DLEU7: variants seen among roughly 807,000 people sequenced by gnomAD.
DLEU7 encodes the protein deleted in lymphocytic leukemia 7.
DLEU7 carries 17 observed loss-of-function variants against 16.0 expected under a neutral mutation model. That is an observed-to-expected ratio of 1.06 (90% CI 0.73 to 1.59). The LOEUF (loss-of-function observed/expected upper bound fraction) is 1.59. DLEU7 is among the 40% of genes most tolerant of loss of function. The pLI is 0.00. For missense variants in DLEU7, 308 were observed against 314.9 expected (o/e 0.98, Z 0.17); for synonymous variants, 113 against 139.8 (o/e 0.81, Z 1.35).
chr13:50,756,119 A>AG (rs1874750493), intron 1 of DLEU7, among the ~76,000 whole-genome samples: 1 of 152,120 alleles, frequency 6.6e-6, no homozygotes, highest in African/African-American at 2.4e-5. Flanking sequence ...TGGAGGTTGC[A>AG]GGGGGGTGAA....
chr13:50,827,912 T>C (rs988544154), intron 1 of DLEU7, among the ~76,000 whole-genome samples: 1 of 152,062 alleles, frequency 6.6e-6, no homozygotes, highest in African/African-American at 2.4e-5. Flanking sequence ...CATTTAAATC[T>C]AAAACCACAT....
At chr13:50,762,954 G>A (rs1277532765) in intron 1 of DLEU7, among the ~76,000 whole-genome samples, 1 of 152,192 alleles carries the variant, frequency 6.6e-6, no homozygotes, top group Admixed American at 6.5e-5. Flanking sequence ...GCCTCCAACT[G>A]GTGGAGAGAA....
At chr13:50,719,454 T>G (rs1201617390) in intron 1 of DLEU7, among the ~76,000 whole-genome samples, 2 of 152,172 alleles carry the variant, frequency 1.3e-5, no homozygotes, top group African/African-American at 4.8e-5. Flanking sequence ...ATTAAAAAAT[T>G]TAAAAACTCT....
chr13:50,843,696 G>A (rs773005992), upstream of DLEU7: 75 of 1,482,302 alleles, frequency 5.1e-5, no homozygotes, highest in Middle Eastern at 4.7e-4. The surrounding 1 kb of genome is among the most constrained non-coding windows in gnomAD (Gnocchi z 5.7). Context: ...GAGCAGCAGC[G>A]AGGGAGGCGG....
At chr13:50,832,842 G>C (rs1877325119) in intron 1 of DLEU7, among the ~76,000 whole-genome samples, 1 of 152,174 alleles carries the variant, frequency 6.6e-6, no homozygotes, top group Non-Finnish European at 1.5e-5. Context: ...TGTGGTCTGA[G>C]AGACTGTTTG....
chr13:50,716,612 T>C (rs1873445459), intron 1 of DLEU7, among the ~76,000 whole-genome samples: 1 of 152,256 alleles, frequency 6.6e-6, no homozygotes, highest in Non-Finnish European at 1.5e-5. Flanking sequence ...TTTACATTTT[T>C]GAGCATTGGT....
intron 1 of DLEU7, among the ~76,000 whole-genome samples, chr13:50,719,057 A>G (rs1182973306): frequency 1.3e-5 from 2 of 152,228 alleles, no homozygotes; most frequent in Non-Finnish European, 2.9e-5. Flanking sequence ...AACAAACTGG[A>G]GAAACAGTAG....
At chr13:50,831,042 A>G (rs892759989) in intron 1 of DLEU7, among the ~76,000 whole-genome samples, 7 of 143,688 alleles carry the variant, frequency 4.9e-5, no homozygotes, top group African/African-American at 1.7e-4. Flanking sequence ...GTATTTTTTA[A>G]GTGGTCCTTT....
chr13:50,817,333 G>T (rs957936357), intron 1 of DLEU7, among the ~76,000 whole-genome samples: 23 of 152,154 alleles, frequency 1.5e-4, no homozygotes, highest in Admixed American at 6.5e-4. Context: ...TTTCTATTGA[G>T]CAAAGCAGTA....
intron 1 of DLEU7, among the ~76,000 whole-genome samples, chr13:50,717,316 G>A (rs955699398): frequency 8.5e-5 from 13 of 152,196 alleles, no homozygotes; most frequent in African/African-American, 2.9e-4. Context: ...CAGATGGTAA[G>A]TGGAAAATGC....
At chr13:50,780,090 A>G (rs966794298) in intron 1 of DLEU7, among the ~76,000 whole-genome samples, 1 of 152,172 alleles carries the variant, frequency 6.6e-6, no homozygotes, top group Admixed American at 6.5e-5. Context: ...GCTGTGGTCA[A>G]TTGGGAAGAA....
At position 50,723,154 on chromosome 13, in the gene DLEU7, G is replaced by A. The variant is rs374445463; in HGVS notation, c.460-9914C>T. 135 of 152,168 alleles carry A rather than the reference G, an allele frequency of 8.9e-4. 1 individual carries two copies. Among genetic ancestry groups the A allele is most frequent in the African/African-American group, 3.1e-3 (127 of 41,528 alleles). The allele number at this position is 152,168 out of a possible 1,614,324, so 9.4% of individuals were successfully genotyped here. On this transcript the variant is annotated intron_variant, in intron 1 of 1. Coordinates refer to the DLEU7 transcript ENST00000400393. ...TGTTTTACAGATTAAATTTCTTCAAGTGGAAATATTAAGTCAAAGAAATTA... is the reference window on the plus strand; with the variant it reads ...TGTTTTACAGATTAAATTTCTTCAAATGGAAATATTAAGTCAAAGAAATTA...
chr13:50,789,713 C>T (rs1234225509), intron 1 of DLEU7, among the ~76,000 whole-genome samples: 2 of 151,932 alleles, frequency 1.3e-5, no homozygotes, highest in Non-Finnish European at 2.9e-5. Context: ...GAATGTTAGC[C>T]CTATAACGGA....
intron 1 of DLEU7, among the ~76,000 whole-genome samples, chr13:50,806,345 G>A (rs938420765): frequency 3.3e-5 from 5 of 151,870 alleles, no homozygotes; most frequent in African/African-American, 1.2e-4. Flanking sequence ...GTTGTTTTTT[G>A]ACCATTGGAT....
downstream of DLEU7, among the ~76,000 whole-genome samples, chr13:50,821,950 C>T (rs75718276): frequency 0.032 from 4,798 of 152,086 alleles, 110 homozygotes; most frequent in Non-Finnish European, 0.049. Flanking sequence ...GAAATAAATG[C>T]CCACCGCTTC....
chr13:50,793,698 G>T (rs1593398080), intron 1 of DLEU7, among the ~76,000 whole-genome samples: 1 of 152,108 alleles, frequency 6.6e-6, no homozygotes, highest in South Asian at 2.1e-4. Flanking sequence ...TAATGGGATT[G>T]TTTGTTTTTT....
At chr13:50,728,756 A>T (rs1392318101) in intron 1 of DLEU7, among the ~76,000 whole-genome samples, 1 of 152,162 alleles carries the variant, frequency 6.6e-6, no homozygotes, top group Non-Finnish European at 1.5e-5. Flanking sequence ...AAGGATGTTC[A>T]TGTGTCCATT....
At chr13:50,761,776 C>T (rs1281378692) in intron 1 of DLEU7, among the ~76,000 whole-genome samples, 1 of 152,070 alleles carries the variant, frequency 6.6e-6, no homozygotes, top group Admixed American at 6.6e-5. Flanking sequence ...AACCACAAGT[C>T]TAAATCAAAA....
intron 1 of DLEU7, among the ~76,000 whole-genome samples, chr13:50,768,637 G>C (rs982743432): frequency 2.0e-5 from 3 of 152,162 alleles, no homozygotes; most frequent in African/African-American, 7.2e-5. Context: ...TGGCTGCATA[G>C]TAGTCCATAG....
Sources: allele counts gnomAD v4.1 joint callset (sites outside exome capture counted in the v4.1 genomes callset), GRCh38; gene constraint gnomAD v4.1.1; non-coding constraint Gnocchi (gnomAD v3.1); transcripts MANE v1.5; gene names NCBI Gene and HGNC (gene_info 2026-07-23, HGNC 2026-07-21).